Variants in CRYL1 observed in about 807,000 individuals in gnomAD.
The protein encoded by CRYL1 is lambda-crystallin homolog.
In CRYL1, 29 loss-of-function variants were observed where a neutral mutation model predicts 36.6. The ratio of observed to expected loss-of-function variants is 0.79; its 90% CI spans 0.59 to 1.08. The LOEUF is 1.08. Among genes scored for constraint, CRYL1 ranks in the 50% least tolerant of loss-of-function variants. CRYL1 has a pLI of 0.00. For synonymous variants in CRYL1, 152 were observed against 151.5 expected, an observed-to-expected ratio of 1.00 and a Z score of -0.02; for missense variants, 411 against 407.9, an observed-to-expected ratio of 1.01 and a Z score of -0.06.
At chr13:20,432,071 G>C (rs1161533286) in intron 5 of CRYL1, 31 bp downstream of exon 5, 1 of 1,613,808 alleles carries the variant, frequency 6.2e-7, no homozygotes, top group Admixed American at 1.7e-5. Context: ...AGAAAGGAAG[G>C]GAGGGAGGGA....
intron 1 of CRYL1, among the ~76,000 whole-genome samples, chr13:20,515,177 G>C (rs2033980029): frequency 6.6e-6 from 1 of 152,172 alleles, no homozygotes; most frequent in Non-Finnish European, 1.5e-5. Flanking sequence ...TGGTTGCCCA[G>C]GGCTAGGGGA....
chr13:20,482,798 C>A lies in CRYL1; in HGVS notation c.276+6572G>T, dbSNP rs74036397. On this transcript the variant is annotated intron_variant, in intron 3 of 7. Transcript: ENST00000298248. ...GCACGCACACACGCGTCTCCTCAAA[C>A]TCTGCCTCCTGCTTGTGAACAATTC... Among the ~76,000 whole-genome samples the A allele has an allele frequency of 9.1e-3, 1,393 of 152,346 alleles. 25 individuals carry two copies. The highest frequency in any genetic ancestry group is 0.032 in the African/African-American group (1,335 of 41,576).
At chr13:20,429,833 G>A (rs563268133) in intron 5 of CRYL1, among the ~76,000 whole-genome samples, 1 of 152,298 alleles carries the variant, frequency 6.6e-6, no homozygotes, top group South Asian at 2.1e-4. Flanking sequence ...TACCCTGAAA[G>A]CATCCTGGCT....
chr13:20,427,892 T>G (rs937242830), intron 5 of CRYL1, among the ~76,000 whole-genome samples: 14 of 151,880 alleles, frequency 9.2e-5, no homozygotes, highest in Non-Finnish European at 1.5e-4. Context: ...ACCGAGAACT[T>G]TATGCTCTTA....
At position 20,413,330 on chromosome 13, in the gene CRYL1, G is replaced by T. The variant is rs747863623; in HGVS notation, c.691C>A (p.Arg231=). ...TCCAGGGGTCCAATGAATGCATACCGCATGCCCAACCCTTCTGACATGACA... is the reference window on the plus strand; with the variant it reads ...TCCAGGGGTCCAATGAATGCATACCTCATGCCCAACCCTTCTGACATGACA... ...DLVMSEGLGM[R]YAFIGPLETM... is the part of the protein sequence containing the mutation. The change falls in exon 6 of 8, where the codon CGG becomes AGG. Residue 231 remains arginine, a synonymous_variant. Coordinates refer to ENST00000298248, the MANE Select transcript of CRYL1 (RefSeq NM_015974.3). 3.7e-6 allele frequency: 6 copies of T among 1,613,578 alleles called. No homozygotes were observed. The highest frequency in any genetic ancestry group is 2.2e-5 in the South Asian group (2 of 91,018).
intron 3 of CRYL1, among the ~76,000 whole-genome samples, chr13:20,471,768 G>A (rs999100822): frequency 6.6e-6 from 1 of 152,014 alleles, no homozygotes; most frequent in Non-Finnish European, 1.5e-5. Flanking sequence ...GCTAAAATTC[G>A]AGGATGCTCA....
At position 20,448,500 on chromosome 13, in the gene CRYL1, C is replaced by T. The variant is rs2032501537; in HGVS notation, c.277-8746G>A. ...TCCCTTCCAAAAAGTTTCTAGGTAC[C>T]TAGGTATACCATATTCAAATTGCTG... On this transcript the variant is annotated intron_variant, in intron 3 of 7. Transcript: ENST00000298248. Among the ~76,000 whole-genome samples the T allele has an allele frequency of 2.6e-5, 4 of 152,096 alleles. No homozygotes were observed. The South Asian group carries it at 8.3e-4, about 32-fold the overall frequency.
intron 2 of CRYL1, among the ~76,000 whole-genome samples, chr13:20,507,385 A>G (rs899579679): frequency 6.6e-6 from 1 of 152,228 alleles, no homozygotes; most frequent in Non-Finnish European, 1.5e-5. Context: ...GCTGAAACAG[A>G]GACCATATGA....
At chr13:20,490,236 C>T (rs755425623) in intron 2 of CRYL1, among the ~76,000 whole-genome samples, 12 of 152,062 alleles carry the variant, frequency 7.9e-5, no homozygotes, top group Non-Finnish European at 1.2e-4. Flanking sequence ...ACTAAAAATA[C>T]GAAAAATTAG....
rs1397194151 is a variant in CRYL1 at position 20,410,483 on chromosome 13, T to C, written c.739+2799A>G. ...CACCAGCATGGCACATGTATACATA[T>C]GTAACTAACCTGCACATTGTGCACA... On this transcript the variant is annotated intron_variant, in intron 6 of 7. Transcript: ENST00000298248. Among the ~76,000 whole-genome samples the C allele has an allele frequency of 7.3e-5, 11 of 151,622 alleles. 1 individual carries two copies. The highest frequency in any genetic ancestry group is 7.2e-4 in the Admixed American group (11 of 15,224).
chr13:20,407,207 A>G (rs1424766924), intron 6 of CRYL1, among the ~76,000 whole-genome samples: 2 of 151,888 alleles, frequency 1.3e-5, no homozygotes, highest in African/African-American at 2.4e-5. Context: ...ACTGATATAA[A>G]AACTTTCTGT....
At chr13:20,496,326 C>T (rs1473284202) in intron 2 of CRYL1, among the ~76,000 whole-genome samples, 1 of 152,114 alleles carries the variant, frequency 6.6e-6, no homozygotes, top group African/African-American at 2.4e-5. Flanking sequence ...GATTGCACAA[C>T]CATGTGAACG....
rs1262200896 is a variant in CRYL1, at chr13:20,435,242, A to G, written c.439-2946T>C. 6.6e-6 allele frequency among the ~76,000 whole-genome samples: 1 copy of G among 152,224 alleles called. No homozygotes were observed. Among genetic ancestry groups the G allele is most frequent in the Non-Finnish European group, 1.5e-5 (1 of 68,048 alleles). ...GTTATGTATATTTTACCACAATTAT[A>G]CATTTTAAAAGTAAAAAACAGGACT... On this transcript the variant is annotated intron_variant, in intron 4 of 7. Transcript: ENST00000298248. The surrounding 1 kb of genome is among the most constrained non-coding windows in gnomAD (Gnocchi z 4.0).
At chr13:20,513,677 A>T (rs2137511960) in intron 1 of CRYL1, 1 of 152,314 alleles carries the variant, frequency 6.6e-6, no homozygotes, top group Non-Finnish European at 1.5e-5. Context: ...GCTGTTTCAG[A>T]CTTCCTGAAA....
At chr13:20,456,979 C>G (rs1355869722) in intron 3 of CRYL1, among the ~76,000 whole-genome samples, 2 of 152,210 alleles carry the variant, frequency 1.3e-5, no homozygotes, top group African/African-American at 2.4e-5. Context: ...TTCCCTTCCT[C>G]TCTTCCTGGG....
In CRYL1 at chr13:20,481,094, G is replaced by A. The variant is rs1454607669; in HGVS notation, c.276+8276C>T. Among the ~76,000 whole-genome samples, 2 of 152,238 alleles carry A rather than the reference G, an allele frequency of 1.3e-5. No individual in the cohort carries two copies. The highest frequency in any genetic ancestry group is 2.9e-5 in the Non-Finnish European group (2 of 68,052). On this transcript the variant is annotated intron_variant, in intron 3 of 7. Coordinates refer to ENST00000298248, the MANE Select transcript of CRYL1 (RefSeq NM_015974.3). This position sits in a 1 kb window ranked among gnomAD's most constrained non-coding sequence, Gnocchi z 4.1. ...AAAGCAAGAGCAAGCCATCAGAAAA[G>A]TAAGGGCTGTGGCAGGAAGCTAGTA...
intron 6 of CRYL1, among the ~76,000 whole-genome samples, chr13:20,409,232 A>T (rs1261181186): frequency 6.8e-6 from 1 of 147,010 alleles, no homozygotes; most frequent in African/African-American, 2.5e-5. Context: ...CAAACCTGAG[A>T]AAAACAAGCA....
At chr13:20,447,078 G>C (rs1475995419) in intron 3 of CRYL1, among the ~76,000 whole-genome samples, 1 of 152,160 alleles carries the variant, frequency 6.6e-6, no homozygotes, top group Non-Finnish European at 1.5e-5. Context: ...AATTACTTCT[G>C]GCACAGGGCA....
intron 2 of CRYL1, among the ~76,000 whole-genome samples, chr13:20,491,368 A>T (rs1257084524): frequency 6.6e-6 from 1 of 152,220 alleles, no homozygotes; most frequent in African/African-American, 2.4e-5. Flanking sequence ...AAACATACTG[A>T]TCCCTGCTCA....
Sources: gnomAD v4.1 joint callset for allele counts (sites outside exome capture counted in the v4.1 genomes callset) on GRCh38, gnomAD v4.1.1 for gene constraint, Gnocchi (gnomAD v3.1) non-coding constraint, MANE v1.5 for transcripts, NCBI Gene and HGNC (gene_info 2026-07-23, HGNC 2026-07-21) for gene names.